Variants in OSBPL6 observed in about 807,000 individuals in gnomAD.
OSBPL6 encodes the protein oxysterol-binding protein-related protein 6.
In OSBPL6, 49 loss-of-function variants were observed where a neutral mutation model predicts 125.8. That is an observed-to-expected ratio of 0.39 (90% CI 0.31 to 0.49). The LOEUF (loss-of-function observed/expected upper bound fraction) is 0.49. Ranked by LOEUF, OSBPL6 falls within the 20% of genes least tolerant of loss-of-function variation. The pLI is 0.88. For missense variants in OSBPL6, 986 were observed against 1,135.4 expected (o/e 0.87, Z 1.89); for synonymous variants, 394 against 391.8 (o/e 1.01, Z -0.07).
intron 3 of OSBPL6, among the ~76,000 whole-genome samples, chr2:178,314,014 G>A (rs934555363): frequency 2.0e-5 from 3 of 152,170 alleles, no homozygotes; most frequent in African/African-American, 7.2e-5. Context: ...AAGTTTTCTT[G>A]TTGAACAAAC....
At chr2:178,310,670 G>T (rs1687193072) in intron 3 of OSBPL6, among the ~76,000 whole-genome samples, 1 of 151,996 alleles carries the variant, frequency 6.6e-6, no homozygotes, top group Non-Finnish European at 1.5e-5. Context: ...GCCCACCTCG[G>T]CCTCCCAAAG....
intron 1 of OSBPL6, among the ~76,000 whole-genome samples, chr2:178,198,256 T>C (rs2153930125): frequency 6.6e-6 from 1 of 152,242 alleles, no homozygotes; most frequent in East Asian, 1.9e-4. Flanking sequence ...GTCAAAGGTA[T>C]TTGACTATAA....
chr2:178,257,098 A>G (rs1438129869), intron 1 of OSBPL6, among the ~76,000 whole-genome samples: 4 of 152,258 alleles, frequency 2.6e-5, no homozygotes, highest in Non-Finnish European at 5.9e-5. Flanking sequence ...TTCTAAGTAC[A>G]GTTGAGTCCC....
At chr2:178,333,065 C>T in intron 8 of OSBPL6, 24 bp downstream of exon 8, 1 of 1,610,306 alleles carries the variant, frequency 6.2e-7, no homozygotes, top group South Asian at 1.1e-5. Flanking sequence ...CTATAAAAAC[C>T]AGCCTGAAAA....
At chr2:178,195,653 T>G (rs1388119765) in intron 1 of OSBPL6, among the ~76,000 whole-genome samples, 1 of 152,222 alleles carries the variant, frequency 6.6e-6, no homozygotes, top group African/African-American at 2.4e-5. Flanking sequence ...ATAATGGACA[T>G]GAAGCAAATG....
intron 1 of OSBPL6, among the ~76,000 whole-genome samples, chr2:178,208,246 A>G (rs1303720714): frequency 3.3e-5 from 5 of 151,732 alleles, no homozygotes; most frequent in Non-Finnish European, 4.4e-5. Flanking sequence ...AGATCGTGCC[A>G]CTGCACTCCA....
intron 1 of OSBPL6, among the ~76,000 whole-genome samples, chr2:178,207,439 C>A (rs144946207): frequency 1.4e-4 from 22 of 152,294 alleles, no homozygotes; most frequent in African/African-American, 4.8e-4. Flanking sequence ...GTATCCTTCA[C>A]TTAATCATAT....
At chr2:178,209,284 T>G (rs2089715301) in intron 1 of OSBPL6, among the ~76,000 whole-genome samples, 1 of 152,124 alleles carries the variant, frequency 6.6e-6, no homozygotes, top group South Asian at 2.1e-4. Flanking sequence ...TTTGCTGTCA[T>G]ATTTCTTTGT....
chr2:178,200,136 G>A (rs2089162747), intron 1 of OSBPL6, among the ~76,000 whole-genome samples: 1 of 151,946 alleles, frequency 6.6e-6, no homozygotes, highest in South Asian at 2.1e-4. Context: ...TGGAGGTGCT[G>A]GAGCTTTTTA....
rs191418722 is a variant in OSBPL6, at chr2:178,218,898, G to A, written c.-351+24224G>A. Reference sequence around the variant, plus strand: ...CCACCTCAGCCTCCCAAAGTGCTGGGATTACAGATGTGAGCCACCACACCC... The same window carrying A: ...CCACCTCAGCCTCCCAAAGTGCTGGAATTACAGATGTGAGCCACCACACCC... On this transcript the variant is annotated intron_variant, in intron 1 of 24. Coordinates refer to ENST00000190611, the MANE Select transcript of OSBPL6 (RefSeq NM_032523.4). Among the ~76,000 whole-genome samples, 437 of 152,144 alleles carry A rather than the reference G, an allele frequency of 2.9e-3. 4 individuals are homozygous for A. Among genetic ancestry groups the A allele is most frequent in the African/African-American group, 9.7e-3 (401 of 41,508 alleles).
intron 1 of OSBPL6, among the ~76,000 whole-genome samples, chr2:178,274,430 A>G (rs1352037638): frequency 1.3e-5 from 2 of 152,172 alleles, no homozygotes; most frequent in African/African-American, 4.8e-5. Flanking sequence ...AAACTAATAA[A>G]TAAACTGTAC....
intron 13 of OSBPL6, 124 bp downstream of exon 13, chr2:178,361,939 T>A: frequency 1.7e-6 from 2 of 1,208,540 alleles, no homozygotes; most frequent in East Asian, 2.7e-5. Flanking sequence ...TTGCAGAATT[T>A]CCCCCAAAAG....
intron 3 of OSBPL6, among the ~76,000 whole-genome samples, chr2:178,319,963 TAC>T (rs914963930): frequency 4.5e-4 from 69 of 152,354 alleles, no homozygotes; most frequent in African/African-American, 1.6e-3. Context: ...CAATTCTCTT[TAC>T]TACTGTCCTA....
At chr2:178,357,427 A>G (rs902484206) in intron 12 of OSBPL6, among the ~76,000 whole-genome samples, 5 of 152,270 alleles carry the variant, frequency 3.3e-5, no homozygotes, top group African/African-American at 1.2e-4. Flanking sequence ...GGCAAAGGAT[A>G]TGAACAGACA....
intron 2 of OSBPL6, among the ~76,000 whole-genome samples, chr2:178,299,803 A>G (rs1262750739): frequency 6.6e-6 from 1 of 152,206 alleles, no homozygotes; most frequent in Non-Finnish European, 1.5e-5. Context: ...TTCCTTCTTC[A>G]TTCTTTCTTT....
chr2:178,208,151 G>T (rs539208915), intron 1 of OSBPL6, among the ~76,000 whole-genome samples: 1 of 152,002 alleles, frequency 6.6e-6, no homozygotes, highest in Non-Finnish European at 1.5e-5. Context: ...CCAGCGTGGT[G>T]GCACGTGCCT....
chr2:178,315,995 C>G (rs769371079), intron 3 of OSBPL6, among the ~76,000 whole-genome samples: 11 of 152,176 alleles, frequency 7.2e-5, no homozygotes, highest in Non-Finnish European at 1.3e-4. Flanking sequence ...AATCTTACCT[C>G]CCTTTGTCCA....
At chr2:178,315,834 A>C (rs1007089663) in intron 3 of OSBPL6, among the ~76,000 whole-genome samples, 1 of 152,158 alleles carries the variant, frequency 6.6e-6, no homozygotes, top group African/African-American at 2.4e-5. Flanking sequence ...TACAGAAGCC[A>C]CCCCAGGAGA....
At chr2:178,369,982 G>A (rs1054859162) in intron 13 of OSBPL6, among the ~76,000 whole-genome samples, 3 of 152,060 alleles carry the variant, frequency 2.0e-5, no homozygotes, top group African/African-American at 7.2e-5. Context: ...CTGTGATTCT[G>A]GGCTGGGCAG....
Sources: allele counts gnomAD v4.1 joint callset (sites outside exome capture counted in the v4.1 genomes callset), GRCh38; gene constraint gnomAD v4.1.1; transcripts MANE v1.5; gene names NCBI Gene and HGNC (gene_info 2026-07-23, HGNC 2026-07-21).